Variants in KCNK2 observed in about 807,000 individuals in gnomAD.
The protein encoded by KCNK2 is potassium two pore domain channel subfamily K member 2, also known as potassium channel subfamily K member 2.
KCNK2 carries 21 observed loss-of-function variants against 40.5 expected under a neutral mutation model. The ratio of observed to expected loss-of-function variants is 0.52; its 90% CI spans 0.37 to 0.75. The LOEUF is 0.75. Among genes scored for constraint, KCNK2 ranks in the 30% least tolerant of loss-of-function variants. The pLI, the probability that KCNK2 is intolerant of heterozygous loss-of-function variation, is 0.00. For missense variants in KCNK2, 399 were observed against 531.6 expected, an observed-to-expected ratio of 0.75 and a Z score of 2.45; for synonymous variants, 191 against 202.2, an observed-to-expected ratio of 0.94 and a Z score of 0.47.
upstream of KCNK2, among the ~76,000 whole-genome samples, chr1:215,078,116 C>G (rs984932079): frequency 6.6e-6 from 1 of 152,100 alleles, no homozygotes; most frequent in Non-Finnish European, 1.5e-5. Flanking sequence ...AGCTGATGAG[C>G]TAAAAGCAAA....
At chr1:215,094,525 C>G (rs917041021) in intron 2 of KCNK2, among the ~76,000 whole-genome samples, 7 of 152,228 alleles carry the variant, frequency 4.6e-5, no homozygotes, top group African/African-American at 1.7e-4. Flanking sequence ...TTCCAATTTT[C>G]CTAGGACTCC....
At chr1:215,056,857 C>A (rs1284048775) in intron 1 of KCNK2, among the ~76,000 whole-genome samples, 1 of 152,010 alleles carries the variant, frequency 6.6e-6, no homozygotes, top group Non-Finnish European at 1.5e-5. Context: ...ATCCCAGAAG[C>A]TGAACTGCTT....
intron 6 of KCNK2, among the ~76,000 whole-genome samples, chr1:215,211,947 C>T (rs1378046713): frequency 6.6e-6 from 1 of 152,038 alleles, no homozygotes; most frequent in Non-Finnish European, 1.5e-5. Context: ...TTATTGCTTA[C>T]AGATATAAAA....
At chr1:215,150,644 C>A (rs753328832) in intron 3 of KCNK2, among the ~76,000 whole-genome samples, 115 of 152,052 alleles carry the variant, frequency 7.6e-4, no homozygotes, top group Non-Finnish European at 1.5e-3. Context: ...TTTTCCATTT[C>A]ACTTAGCACA....
chr1:215,228,068 G>A (rs1174094551), intron 6 of KCNK2, among the ~76,000 whole-genome samples: 2 of 152,150 alleles, frequency 1.3e-5, no homozygotes, highest in Admixed American at 6.5e-5. Context: ...ATACAGATGC[G>A]GAATTCAGTA....
chr1:215,039,853 G>A (rs557150159), intron 1 of KCNK2, among the ~76,000 whole-genome samples: 1 of 152,172 alleles, frequency 6.6e-6, no homozygotes, highest in Non-Finnish European at 1.5e-5. Flanking sequence ...TAGGTACTTG[G>A]GACAGAGGAG....
intron 1 of KCNK2, among the ~76,000 whole-genome samples, chr1:215,065,560 G>A (rs1431701612): frequency 2.0e-5 from 3 of 152,140 alleles, no homozygotes; most frequent in Admixed American, 6.6e-5. Context: ...ACTTCTTAAT[G>A]CCTCAGTTTC....
intron 1 of KCNK2, among the ~76,000 whole-genome samples, chr1:215,024,868 T>C (rs561745779): frequency 6.6e-6 from 1 of 152,120 alleles, no homozygotes; most frequent in South Asian, 2.1e-4. Context: ...TAATAGCCTG[T>C]GGACTAAACT....
chr1:215,106,143 A>C (rs550390472), intron 2 of KCNK2, among the ~76,000 whole-genome samples: 2 of 152,118 alleles, frequency 1.3e-5, no homozygotes, highest in Non-Finnish European at 2.9e-5. Flanking sequence ...GTTCTATTTA[A>C]AATTCTTTGA....
chr1:215,212,114 C>A (rs1252011376), intron 6 of KCNK2, among the ~76,000 whole-genome samples: 1 of 152,046 alleles, frequency 6.6e-6, no homozygotes, highest in Non-Finnish European at 1.5e-5. Flanking sequence ...ATGTATCAAA[C>A]AAGAAGCTAG....
intron 3 of KCNK2, among the ~76,000 whole-genome samples, chr1:215,154,281 G>A (rs1322729699): frequency 1.3e-5 from 2 of 152,130 alleles, no homozygotes; most frequent in African/African-American, 2.4e-5. Flanking sequence ...TTGAATAATC[G>A]CCATTCTGAC....
chr1:215,219,667 T>C (rs1666094317), intron 6 of KCNK2, among the ~76,000 whole-genome samples: 1 of 152,206 alleles, frequency 6.6e-6, no homozygotes, highest in African/African-American at 2.4e-5. Flanking sequence ...GTCTATTTAA[T>C]GCATATTTTT....
chr1:215,022,518 T>C (rs1358628461), intron 1 of KCNK2, among the ~76,000 whole-genome samples: 1 of 152,198 alleles, frequency 6.6e-6, no homozygotes, highest in African/African-American at 2.4e-5. Context: ...CAAATTTGTC[T>C]CAGCCTTTTT....
intron 5 of KCNK2, among the ~76,000 whole-genome samples, chr1:215,176,416 T>C (rs1187181807): frequency 6.6e-6 from 1 of 152,082 alleles, no homozygotes; most frequent in African/African-American, 2.4e-5. Context: ...GCCATGGTGA[T>C]TTGCTGCACA....
At chr1:215,045,687 A>G (rs1045547305) in intron 1 of KCNK2, among the ~76,000 whole-genome samples, 4 of 152,202 alleles carry the variant, frequency 2.6e-5, no homozygotes, top group African/African-American at 9.7e-5. Flanking sequence ...GTGGTCTTGA[A>G]TAATTTTTTT....
intron 5 of KCNK2, among the ~76,000 whole-genome samples, chr1:215,173,541 C>A (rs899458243): frequency 1.3e-5 from 2 of 152,168 alleles, no homozygotes; most frequent in Admixed American, 1.3e-4. Context: ...TGAGGAATTG[C>A]CACACTGACT....
intron 2 of KCNK2, among the ~76,000 whole-genome samples, chr1:215,123,387 C>A (rs927397414): frequency 3.3e-5 from 5 of 150,802 alleles, no homozygotes; most frequent in African/African-American, 1.2e-4. Context: ...TTCTTTATGC[C>A]TTTTTGTATT....
chr1:215,005,727 C>T (rs1257196799), upstream of KCNK2: 122 of 560,886 alleles, frequency 2.2e-4, 3 homozygotes, highest in East Asian at 2.8e-3. Context: ...CATACAGCAG[C>T]GTTTGTTCGT....
At chr1:215,099,424 C>T (rs1474377563) in intron 2 of KCNK2, among the ~76,000 whole-genome samples, 1 of 151,860 alleles carries the variant, frequency 6.6e-6, no homozygotes, top group East Asian at 1.9e-4. Flanking sequence ...ATTATACATA[C>T]ATGAGAGAGT....
Sources: gnomAD v4.1 joint callset for allele counts (sites outside exome capture counted in the v4.1 genomes callset) on GRCh38, gnomAD v4.1.1 for gene constraint, MANE v1.5 for transcripts, NCBI Gene and HGNC (gene_info 2026-07-23, HGNC 2026-07-21) for gene names.